Variants in ADGRL3 observed in about 807,000 individuals in gnomAD.
ADGRL3 encodes adhesion G protein-coupled receptor L3, also known as calcium-independent alpha-latrotoxin receptor 3.
A neutral mutation model predicts 153.5 loss-of-function variants in ADGRL3; 62 were observed. The ratio of observed to expected loss-of-function variants is 0.40; its 90% CI spans 0.33 to 0.50. The LOEUF is 0.50. Among genes scored for constraint, ADGRL3 ranks in the 20% least tolerant of loss-of-function variants. The probability of loss-of-function intolerance (pLI) is 0.47; values close to 1 mark genes in which losing one functional copy is unlikely to be tolerated. For synonymous variants in ADGRL3, 710 were observed against 672.5 expected, an observed-to-expected ratio of 1.06 and a Z score of -0.86; for missense variants, 1,641 against 1,859.4, an observed-to-expected ratio of 0.88 and a Z score of 2.16.
At chr4:61,750,812 A>AG (rs2096747725) in intron 8 of ADGRL3, among the ~76,000 whole-genome samples, 1 of 139,204 alleles carries the variant, frequency 7.2e-6, no homozygotes, top group Non-Finnish European at 1.5e-5. Flanking sequence ...AAAAAAAAAA[A>AG]GTCAAAGCAG....
intron 1 of ADGRL3, among the ~76,000 whole-genome samples, chr4:61,321,231 A>C (rs1425447110): frequency 6.6e-6 from 1 of 152,144 alleles, no homozygotes; most frequent in East Asian, 1.9e-4. Flanking sequence ...TGCCTACCAC[A>C]CTGGCTGATC....
At chr4:61,667,312 T>G (rs138223694) in intron 5 of ADGRL3, among the ~76,000 whole-genome samples, 26 of 152,292 alleles carry the variant, frequency 1.7e-4, no homozygotes, top group African/African-American at 5.8e-4. Flanking sequence ...CCTTTAAGAT[T>G]CATACATTTA....
Position 61,937,186 on chromosome 4 carries a change from T to C in ADGRL3, c.2419+1141T>C, listed in dbSNP as rs542702386. On this transcript the variant is annotated intron_variant, in intron 15 of 26. Transcript: ENST00000683033. The stretch of plus-strand genomic sequence containing the variant: ...ATAGCCTGTTGACAAAGGGTTCTTC[T>C]GAAGCATACATCTGACCAGTTGACC... Among the ~76,000 whole-genome samples, 247 of 152,268 alleles carry C rather than the reference T, an allele frequency of 1.6e-3. No homozygotes were observed. In the Middle Eastern group the frequency reaches 0.024, roughly 15 times the overall value.
At chr4:61,344,480 G>C (rs575503156) in intron 1 of ADGRL3, among the ~76,000 whole-genome samples, 1 of 152,128 alleles carries the variant, frequency 6.6e-6, no homozygotes, top group Non-Finnish European at 1.5e-5. Flanking sequence ...TCCCCTAAAA[G>C]GTCAGCCAAA....
chr4:61,935,714 T>C (rs1413589720), intron 14 of ADGRL3, among the ~76,000 whole-genome samples: 2 of 152,208 alleles, frequency 1.3e-5, no homozygotes, highest in South Asian at 4.1e-4. Context: ...ATTATTGACA[T>C]GTTTGTATTA....
chr4:61,421,116 C>A (rs138249633), intron 2 of ADGRL3, among the ~76,000 whole-genome samples: 18,025 of 152,048 alleles, frequency 0.12, 1,295 homozygotes, highest in Non-Finnish European at 0.17. Context: ...GGGCGGATCA[C>A]GAGGTCAGGA....
chr4:61,454,091 T>C (rs1221588117), intron 2 of ADGRL3, among the ~76,000 whole-genome samples: 4 of 152,156 alleles, frequency 2.6e-5, no homozygotes, highest in Non-Finnish European at 4.4e-5. Flanking sequence ...ATTTCTGTTG[T>C]TTTAGATTCC....
chr4:61,971,727 T>A (rs536484821), intron 17 of ADGRL3, among the ~76,000 whole-genome samples: 1 of 152,112 alleles, frequency 6.6e-6, no homozygotes, highest in Non-Finnish European at 1.5e-5. Flanking sequence ...CCTGAGGAAT[T>A]GCCACACTGA....
At position 62,071,778 on chromosome 4, in the gene ADGRL3, G is replaced by C. The variant is rs549733995; in HGVS notation, c.*870G>C. 1 of 368,378 alleles carries C rather than the reference G, an allele frequency of 2.7e-6. No individual in the cohort carries two copies. The highest frequency in any genetic ancestry group is 3.7e-5 in the Admixed American group (1 of 27,250). The allele number at this position is 368,378 out of a possible 1,614,324, so 22.8% of individuals were successfully genotyped here. On this transcript the variant is annotated 3_prime_UTR_variant, in exon 27 of 27. Transcript: ENST00000683033. ...TTGCCTTTTATTCCTTTAAAATTTC[G>C]CCTGGCAAAAAATAAATAAATGGAA...
chr4:61,239,180 G>A (rs1364631086), intron 1 of ADGRL3, among the ~76,000 whole-genome samples: 1 of 152,132 alleles, frequency 6.6e-6, no homozygotes, highest in Non-Finnish European at 1.5e-5. Flanking sequence ...TGGTGGTTAG[G>A]AGAGTCAAAG....
intron 5 of ADGRL3, among the ~76,000 whole-genome samples, chr4:61,632,925 T>G (rs532077519): frequency 6.6e-6 from 1 of 152,286 alleles, no homozygotes. Context: ...CACTGATAAC[T>G]TTTAAAGCTT....
rs141540844 is a variant in ADGRL3, at chr4:61,396,722, G to A, written c.-174+13533G>A. On this transcript the variant is annotated intron_variant, in intron 2 of 26. Coordinates refer to ENST00000683033, the MANE Select transcript of ADGRL3 (RefSeq NM_001387552.1). ...TTTGTCATTATTATTAATGCATAAA[G>A]TAGTAACTATAAATTTACTATAAAT... 2.8e-3 allele frequency among the ~76,000 whole-genome samples: 430 copies of A among 151,990 alleles called. 2 individuals carry two copies. Among genetic ancestry groups the A allele is most frequent in the African/African-American group, 9.1e-3 (377 of 41,508 alleles).
chr4:61,982,224 A>T (rs558207961), intron 18 of ADGRL3, among the ~76,000 whole-genome samples: 1 of 152,336 alleles, frequency 6.6e-6, no homozygotes, highest in South Asian at 2.1e-4. Flanking sequence ...CATACTACAC[A>T]AAACTCATTT....
rs200690828 is a variant in ADGRL3 at position 61,887,857 on chromosome 4, AAAAAT to A, written c.1481-4789_1481-4785del. 4.5e-3 allele frequency among the ~76,000 whole-genome samples: 687 copies of A among 152,318 alleles called. 3 individuals carry two copies. Among genetic ancestry groups the A allele is most frequent in the African/African-American group, 0.013 (559 of 41,576 alleles). Reference sequence around the variant, plus strand: ...AGATTCCATCTCAAAAATAAAAAATAAAAATAAAATAAAAAATAATTGCAAAATGT... The same window carrying A: ...AGATTCCATCTCAAAAATAAAAAATAAAAATAAAAAATAATTGCAAAATGT... On this transcript the variant is annotated intron_variant, in intron 9 of 26. Coordinates refer to ENST00000683033, the MANE Select transcript of ADGRL3 (RefSeq NM_001387552.1).
chr4:61,574,562 C>T (rs1215392581), intron 4 of ADGRL3, among the ~76,000 whole-genome samples: 1 of 151,604 alleles, frequency 6.6e-6, no homozygotes, highest in Admixed American at 6.6e-5. Flanking sequence ...AAACAAGAAT[C>T]TTGGAGATAC....
chr4:61,242,664 G>A (rs1419164978), intron 1 of ADGRL3, among the ~76,000 whole-genome samples: 1 of 151,954 alleles, frequency 6.6e-6, no homozygotes, highest in Non-Finnish European at 1.5e-5. Flanking sequence ...TAGCAGTGCA[G>A]AAAACACATA....
chr4:62,031,637 A>T, intron 23 of ADGRL3, 27 bp downstream of exon 23: 2 of 1,520,334 alleles, frequency 1.3e-6, no homozygotes, highest in Non-Finnish European at 1.8e-6. Context: ...TTTTTAAAAT[A>T]AAAATGGCAT....
intron 2 of ADGRL3, among the ~76,000 whole-genome samples, chr4:61,490,976 T>G (rs1044896639): frequency 1.3e-5 from 2 of 152,182 alleles, no homozygotes; most frequent in African/African-American, 4.8e-5. Flanking sequence ...TATATTTTAC[T>G]GAGTTCAAAC....
chr4:61,260,036 A>G (rs1482193473), intron 1 of ADGRL3, among the ~76,000 whole-genome samples: 2 of 152,230 alleles, frequency 1.3e-5, no homozygotes, highest in East Asian at 3.9e-4. Flanking sequence ...GCTGCTTATG[A>G]GACGTGTAAG....
Sources: gnomAD v4.1 joint callset for allele counts (sites outside exome capture counted in the v4.1 genomes callset) on GRCh38, gnomAD v4.1.1 for gene constraint, MANE v1.5 for transcripts, NCBI Gene and HGNC (gene_info 2026-07-23, HGNC 2026-07-21) for gene names.